Variants in ZNF496 observed in about 807,000 individuals in gnomAD.
ZNF496 encodes zinc finger protein 496, also known as NSD1 (nuclear receptor binding SET-domain containing 1)-interacting zinc finger protein 1.
ZNF496 carries 11 observed loss-of-function variants against 58.9 expected under a neutral mutation model. The ratio of observed to expected loss-of-function variants is 0.19; its 90% CI spans 0.12 to 0.31. ZNF496 has a LOEUF of 0.31. ZNF496 is among the 10% of genes least tolerant of loss of function. The pLI is 1.00. For missense variants in ZNF496, 660 were observed against 783.0 expected (o/e 0.84, Z 1.88); for synonymous variants, 338 against 318.2 (o/e 1.06, Z -0.66).
chr1:247,307,050 A>T, intron 9 of ZNF496: 1 of 959,170 alleles, frequency 1.0e-6, no homozygotes, highest in Non-Finnish European at 1.2e-6. Flanking sequence ...AATACTAACT[A>T]GGCAATTCAT....
chr1:247,317,166 G>C (rs192206705), intron 6 of ZNF496, among the ~76,000 whole-genome samples: 1 of 152,310 alleles, frequency 6.6e-6, no homozygotes, highest in Admixed American at 6.5e-5. Flanking sequence ...ATGAGCACAG[G>C]AGACTCTGAA....
chr1:247,323,002 TA>T (rs1257548709), intron 6 of ZNF496, 151 bp downstream of exon 6: 1 of 707,622 alleles, frequency 1.4e-6, no homozygotes, highest in Non-Finnish European at 2.3e-6. Context: ...GGGCGTCTCT[TA>T]AGCTCACGCT....
At chr1:247,304,941 G>A (rs1659363898) in intron 9 of ZNF496, among the ~76,000 whole-genome samples, 1 of 152,176 alleles carries the variant, frequency 6.6e-6, no homozygotes, top group Admixed American at 6.5e-5. Flanking sequence ...TTGAGAATTT[G>A]GGGGCTGTTG....
At chr1:247,312,868 T>C (rs1659648999) in intron 6 of ZNF496, 1 of 152,244 alleles carries the variant, frequency 6.6e-6, no homozygotes, top group African/African-American at 2.4e-5. Context: ...CACGTTGTAT[T>C]TGTTAGAGTA....
chr1:247,307,492 G>C (rs1406030136), intron 9 of ZNF496: 2 of 985,406 alleles, frequency 2.0e-6, no homozygotes, highest in Non-Finnish European at 2.4e-6. Flanking sequence ...ACAAACATCA[G>C]GCCTGCGCTT....
At chr1:247,301,742 T>C (rs1040834254) in intron 9 of ZNF496, among the ~76,000 whole-genome samples, 1 of 152,182 alleles carries the variant, frequency 6.6e-6, no homozygotes, top group Non-Finnish European at 1.5e-5. Flanking sequence ...ACTTGCATGC[T>C]CCAGGGACTG....
At chr1:247,328,582 T>C (rs1346973637) in intron 5 of ZNF496, 101 bp downstream of exon 5, 4 of 1,270,392 alleles carry the variant, frequency 3.1e-6, no homozygotes, top group Non-Finnish European at 4.2e-6. Flanking sequence ...AGAACACTGC[T>C]GATGTAAAAG....
Position 247,300,737 on chromosome 1 carries a change from C to T in ZNF496, c.1546G>A (p.Gly516Ser), listed in dbSNP as rs141609381. 1.2e-5 allele frequency: 20 copies of T among 1,611,630 alleles called. No individual in the cohort carries two copies. Among genetic ancestry groups the T allele is most frequent in the Non-Finnish European group, 1.7e-5 (20 of 1,178,142 alleles). The change falls in exon 10 of 10, where the codon GGC (glycine) becomes AGC (serine). Residue 516 changes from glycine (G) to serine (S), a missense_variant. By Grantham distance (56) the Gly-to-Ser change is moderately conservative. Transcript: ENST00000682384. The surrounding 1 kb of genome is among the most constrained non-coding windows in gnomAD (Gnocchi z 5.7). Reference sequence around the variant, plus strand: ...CACTGGAAGCTCAGTTTGGCCTTGCCGTTTTCCAGCGGCTCTTTGGGACCC... The same window carrying T: ...CACTGGAAGCTCAGTTTGGCCTTGCTGTTTTCCAGCGGCTCTTTGGGACCC... ...DKGPKEPLEN[G>S]KAKLSFQCCE... is the part of the protein sequence containing the mutation.
intron 5 of ZNF496, among the ~76,000 whole-genome samples, chr1:247,328,116 T>C (rs918781872): frequency 4.6e-5 from 7 of 152,238 alleles, no homozygotes; most frequent in Admixed American, 4.6e-4. Context: ...TAAGTTTATC[T>C]GATGAAAAAA....
chr1:247,325,691 C>T (rs989091917), intron 5 of ZNF496, among the ~76,000 whole-genome samples: 5 of 152,074 alleles, frequency 3.3e-5, no homozygotes, highest in African/African-American at 1.2e-4. Flanking sequence ...GGTGGGTTCT[C>T]GCTATGTTGC....
chr1:247,309,951 G>T lies in ZNF496; in HGVS notation c.785-145C>A, dbSNP rs901592194. 4 of 1,318,594 alleles carry T rather than the reference G, an allele frequency of 3.0e-6. No individual in the cohort carries two copies. The highest frequency in any genetic ancestry group is 2.6e-5 in the Admixed American group (1 of 38,784). 81.7% of individuals were successfully genotyped at this position (1,318,594 alleles called of 1,614,324 possible). On this transcript the variant is annotated intron_variant, in intron 7 of 9. Coordinates refer to ENST00000682384, the MANE Select transcript of ZNF496 (RefSeq NM_032752.3). The surrounding 1 kb of genome is among the most constrained non-coding windows in gnomAD (Gnocchi z 4.3). ...AGAAGTGAAAAGGCCAGAGCTGGCAGTGCAGGGGCAGTGGGGGCAGCACAC... is the reference window on the plus strand; with the variant it reads ...AGAAGTGAAAAGGCCAGAGCTGGCATTGCAGGGGCAGTGGGGGCAGCACAC...
intron 6 of ZNF496, among the ~76,000 whole-genome samples, chr1:247,315,061 T>A (rs1422837233): frequency 4.7e-4 from 2 of 4,254 alleles, no homozygotes; most frequent in Admixed American, 7.1e-3. Context: ...TTGACTAGTC[T>A]TTTTTTTTTT....
intron 9 of ZNF496, among the ~76,000 whole-genome samples, chr1:247,305,540 G>T (rs1343192587): frequency 6.6e-6 from 1 of 152,230 alleles, no homozygotes; most frequent in East Asian, 1.9e-4. Flanking sequence ...CAGCGTGCAG[G>T]TAACTCCATG....
intron 6 of ZNF496, 151 bp from the exon 7 acceptor site, chr1:247,310,607 C>T (rs1257553849): frequency 9.6e-7 from 1 of 1,039,474 alleles, no homozygotes; most frequent in Non-Finnish European, 1.4e-6. Flanking sequence ...GGCTGGACGT[C>T]CAAGATCAAG....
At chr1:247,314,933 G>C (rs1659724246) in intron 6 of ZNF496, among the ~76,000 whole-genome samples, 1 of 151,822 alleles carries the variant, frequency 6.6e-6, no homozygotes, top group South Asian at 2.1e-4. Context: ...GGTATTTTTA[G>C]TAGAGATGGA....
At chr1:247,327,297 C>T (rs1660162894) in intron 5 of ZNF496, among the ~76,000 whole-genome samples, 1 of 152,212 alleles carries the variant, frequency 6.6e-6, no homozygotes. Flanking sequence ...CTCCTGACCT[C>T]AGGTGATCCG....
At chr1:247,330,388 A>G (rs1660282982) in intron 2 of ZNF496, among the ~76,000 whole-genome samples, 1 of 152,194 alleles carries the variant, frequency 6.6e-6, no homozygotes, top group Non-Finnish European at 1.5e-5. Flanking sequence ...TGCCCTCTTC[A>G]AACCACATTG....
chr1:247,311,722 A>ACGCCCTGGGT (rs1416789721), intron 6 of ZNF496: 1 of 9,640 alleles, frequency 1.0e-4, no homozygotes, highest in Admixed American at 2.1e-3. Context: ...TGAGTCCCCA[A>ACGCCCTGGGT]GGCCCTGGGT....
At chr1:247,305,941 C>T (rs547075792) in intron 9 of ZNF496, among the ~76,000 whole-genome samples, 2 of 152,262 alleles carry the variant, frequency 1.3e-5, no homozygotes, top group East Asian at 3.9e-4. Context: ...CAAAACAAAA[C>T]ATTTATATGC....
Sources: gnomAD v4.1 joint callset for allele counts (sites outside exome capture counted in the v4.1 genomes callset) on GRCh38, gnomAD v4.1.1 for gene constraint, Gnocchi (gnomAD v3.1) non-coding constraint, MANE v1.5 for transcripts, NCBI Gene and HGNC (gene_info 2026-07-23, HGNC 2026-07-21) for gene names.